PIP4P2: variants seen among roughly 807,000 people sequenced by gnomAD.
The protein encoded by PIP4P2 is type 2 phosphatidylinositol 4,5-bisphosphate 4-phosphatase.
Under a neutral mutation model 33.3 loss-of-function variants are expected in PIP4P2, and 19 were observed. The observed-to-expected ratio is 0.57, with a 90% CI of 0.40 to 0.84. PIP4P2 has a LOEUF of 0.84. Among genes scored for constraint, PIP4P2 ranks in the 40% least tolerant of loss-of-function variants. The pLI is 0.00. For missense variants in PIP4P2, 270 were observed against 324.7 expected (o/e 0.83, Z 1.29); for synonymous variants, 110 against 111.9 (o/e 0.98, Z 0.11).
intron 1 of PIP4P2, among the ~76,000 whole-genome samples, chr8:91,027,815 T>A (rs1446308604): frequency 2.0e-5 from 3 of 152,204 alleles, no homozygotes; most frequent in Non-Finnish European, 4.4e-5. Flanking sequence ...GAGTTAGGAA[T>A]GTTGAAGTGG....
chr8:90,997,693 G>C (rs1403242070), intron 5 of PIP4P2, among the ~76,000 whole-genome samples: 1 of 151,996 alleles, frequency 6.6e-6, no homozygotes, highest in African/African-American at 2.4e-5. Flanking sequence ...GCAAGGCATC[G>C]TGTTAGTGAA....
chr8:91,032,247 T>G (rs1211698453), intron 1 of PIP4P2, among the ~76,000 whole-genome samples: 1 of 152,188 alleles, frequency 6.6e-6, no homozygotes, highest in Admixed American at 6.5e-5. Context: ...CACATTTGGT[T>G]GTTGTGGTTT....
At chr8:91,004,910 A>G (rs1267941235) in intron 5 of PIP4P2, among the ~76,000 whole-genome samples, 1 of 152,116 alleles carries the variant, frequency 6.6e-6, no homozygotes, top group East Asian at 1.9e-4. Flanking sequence ...TGTTTTGGGA[A>G]ATGGGAAGTC....
intron 5 of PIP4P2, 60 bp downstream of exon 5, chr8:91,008,683 G>T (rs2130357528): frequency 6.7e-7 from 1 of 1,500,138 alleles, no homozygotes; most frequent in South Asian, 1.2e-5. Flanking sequence ...TGAAAATTCT[G>T]AACTCTTCAA....
chr8:91,012,975 T>G (rs571086952), intron 4 of PIP4P2, among the ~76,000 whole-genome samples: 1 of 152,200 alleles, frequency 6.6e-6, no homozygotes, highest in Non-Finnish European at 1.5e-5. Flanking sequence ...TTTTTGATTG[T>G]TCTTTTCTCC....
chr8:91,006,951 A>G (rs551863036), intron 5 of PIP4P2, among the ~76,000 whole-genome samples: 3 of 152,194 alleles, frequency 2.0e-5, no homozygotes, highest in Non-Finnish European at 4.4e-5. Flanking sequence ...CCTGGGCAAC[A>G]GAGTGAGACT....
Position 90,995,080 on chromosome 8 carries a change from T to G in PIP4P2, c.*597A>C, listed in dbSNP as rs540764141. ...TTTAAATTACTACCAAAATATTTTA[T>G]CTTTCTACAAACAACAAAAAACAAG... is the stretch of plus-strand genomic sequence containing the variant. On this transcript the variant is annotated 3_prime_UTR_variant, in exon 7 of 7. Transcript: ENST00000285419. The G allele has an allele frequency of 1.3e-5, 2 of 152,638 alleles. No individual in the cohort carries two copies. Among genetic ancestry groups the G allele is most frequent in the South Asian group, 4.1e-4 (2 of 4,834 alleles). The allele number at this position is 152,638 out of a possible 1,614,324, so 9.5% of individuals were successfully genotyped here.
At chr8:91,016,333 AG>A in intron 4 of PIP4P2, among the ~76,000 whole-genome samples, 1 of 152,300 alleles carries the variant, frequency 6.6e-6, no homozygotes, top group Middle Eastern at 3.4e-3. Flanking sequence ...GGACAATAAC[AG>A]GGCCCACTGA....
chr8:91,023,093 A>G (rs7828122), intron 1 of PIP4P2, among the ~76,000 whole-genome samples: 89,654 of 151,788 alleles, frequency 0.59, 28,615 homozygotes, highest in Non-Finnish European at 0.72. Flanking sequence ...TGCAATTTGC[A>G]GATTACTTTG....
Position 91,040,827 on chromosome 8 carries a change from T to TGCTGCCGCTGCTGCCGCTGCTGCCG in PIP4P2, c.-79_-78insCGGCAGCAGCGGCAGCAGCGGCAGC. Reference sequence around the variant, plus strand: ...CGGAGTGGTGGCTACTGCTGCTGCCTCTGCTGCCGCTGCTGCCGCTGCAGC... The same window carrying TGCTGCCGCTGCTGCCGCTGCTGCCG: ...CGGAGTGGTGGCTACTGCTGCTGCCTGCTGCCGCTGCTGCCGCTGCTGCCGCTGCTGCCGCTGCTGCCGCTGCAGC... On this transcript the variant is annotated 5_prime_UTR_variant, in exon 1 of 7. Transcript: ENST00000285419. The TGCTGCCGCTGCTGCCGCTGCTGCCG allele has an allele frequency of 7.5e-7, 1 of 1,332,752 alleles. No homozygotes were observed. 82.6% of individuals were successfully genotyped at this position (1,332,752 alleles called of 1,614,324 possible).
rs568828958 is a variant in PIP4P2 at position 91,006,615 on chromosome 8, G to A, written c.539+2128C>T. Among the ~76,000 whole-genome samples, 18 of 152,296 alleles carry A rather than the reference G, an allele frequency of 1.2e-4. No individual in the cohort carries two copies. In the South Asian group the frequency reaches 3.7e-3, roughly 32 times the overall value. ...AGGATTGCTGTAAAGATTACAGCTAGTATATATGTATATATAAAGCAACTA... is the reference window on the plus strand; with the variant it reads ...AGGATTGCTGTAAAGATTACAGCTAATATATATGTATATATAAAGCAACTA... On this transcript the variant is annotated intron_variant, in intron 5 of 6. Coordinates refer to ENST00000285419, the MANE Select transcript of PIP4P2 (RefSeq NM_018710.3).
At chr8:91,010,946 T>C (rs1368560084) in intron 4 of PIP4P2, among the ~76,000 whole-genome samples, 17 of 94,942 alleles carry the variant, frequency 1.8e-4, no homozygotes, top group African/African-American at 7.3e-4. Flanking sequence ...CAACTAATCT[T>C]AGAAGATTTG....
chr8:91,034,397 C>T (rs1034172829), intron 1 of PIP4P2, among the ~76,000 whole-genome samples: 8 of 152,166 alleles, frequency 5.3e-5, no homozygotes, highest in Non-Finnish European at 1.0e-4. Flanking sequence ...CAAATGAGCT[C>T]ACCACCATAC....
chr8:90,995,761 A>C lies in PIP4P2; in HGVS notation c.690T>G (p.Ala230=), dbSNP rs1448335214. 1 of 1,613,388 alleles carries C rather than the reference A, an allele frequency of 6.2e-7. No homozygotes were observed. Among genetic ancestry groups the C allele is most frequent in the South Asian group, 1.1e-5 (1 of 90,956 alleles). The stretch of plus-strand genomic sequence containing the variant: ...TAAGGCAGATCAATCCTAGGAGATA[A>C]GCAATTGCCCAAGAAACATAGGTTG... ...FRATYVSWAI[A]YLLGLICLIR... Residue 230 remains alanine (A), a synonymous_variant, in exon 7 of 7, where the codon GCT becomes GCG. Transcript: ENST00000285419.
In PIP4P2 at chr8:90,994,992, C is replaced by G. The variant is rs543725026; in HGVS notation, c.*685G>C. On this transcript the variant is annotated 3_prime_UTR_variant, in exon 7 of 7. Transcript: ENST00000285419. ...AAATGAAAGACAAAAGTCCTGTGAT[C>G]TTTGAGAAAAGACATTTATCCAACA... 6.6e-6 allele frequency: 1 copy of G among 152,078 alleles called. No individual in the cohort carries two copies. Among genetic ancestry groups the G allele is most frequent in the Non-Finnish European group, 1.5e-5 (1 of 67,912 alleles). The allele number at this position is 152,078 out of a possible 1,614,324, so 9.4% of individuals were successfully genotyped here.
intron 4 of PIP4P2, among the ~76,000 whole-genome samples, chr8:91,015,746 T>C (rs1811906855): frequency 6.6e-6 from 1 of 152,200 alleles, no homozygotes; most frequent in Admixed American, 6.5e-5. Context: ...CTGCTGTGTC[T>C]GGTTTCTATT....
chr8:91,028,240 A>G (rs1056213709), intron 1 of PIP4P2, among the ~76,000 whole-genome samples: 8 of 152,204 alleles, frequency 5.3e-5, no homozygotes, highest in Non-Finnish European at 1.5e-5. Context: ...TAAGTATTTT[A>G]ACCAGCAACC....
intron 1 of PIP4P2, 73 bp from the exon 2 acceptor site, chr8:91,021,477 T>A (rs1169325036): frequency 6.8e-7 from 1 of 1,479,710 alleles, no homozygotes; most frequent in Non-Finnish European, 9.1e-7. Flanking sequence ...AGAGGCAATA[T>A]AAGTAAAGAA....
chr8:90,997,688 G>T (rs1811646604), intron 5 of PIP4P2, among the ~76,000 whole-genome samples: 2 of 151,906 alleles, frequency 1.3e-5, no homozygotes, highest in Admixed American at 1.3e-4. Flanking sequence ...CATATGCAAG[G>T]CATCGTGTTA....
Sources: allele counts gnomAD v4.1 joint callset (sites outside exome capture counted in the v4.1 genomes callset), GRCh38; gene constraint gnomAD v4.1.1; transcripts MANE v1.5; gene names NCBI Gene and HGNC (gene_info 2026-07-23, HGNC 2026-07-21).